Variants in GNAT3 observed in about 807,000 individuals in gnomAD.
GNAT3 encodes guanine nucleotide-binding protein G(t) subunit alpha-3.
Under a neutral mutation model 37.7 loss-of-function variants are expected in GNAT3, and 31 were observed. The ratio of observed to expected loss-of-function variants is 0.82; its 90% CI spans 0.62 to 1.11. GNAT3 has a LOEUF of 1.11. Ranked by LOEUF, GNAT3 falls within the 50% of genes most tolerant of loss-of-function variation. GNAT3 has a pLI of 0.00. For synonymous variants in GNAT3, 138 were observed against 139.8 expected (o/e 0.99, Z 0.09); for missense variants, 437 against 412.5 (o/e 1.06, Z -0.51).
intron 4 of GNAT3, among the ~76,000 whole-genome samples, chr7:80,478,297 A>G (rs377304965): frequency 9.2e-5 from 14 of 152,328 alleles, no homozygotes; most frequent in African/African-American, 3.4e-4. Flanking sequence ...TTAATGCTAA[A>G]TGGATGATAC....
At chr7:80,460,568 T>C (rs982363538) in intron 7 of GNAT3, among the ~76,000 whole-genome samples, 6 of 151,986 alleles carry the variant, frequency 3.9e-5, no homozygotes, top group Non-Finnish European at 8.8e-5. Flanking sequence ...GCCAACATGG[T>C]GAAATCCCGT....
At position 80,512,042 on chromosome 7, in the gene GNAT3, A is replaced by T. The variant is rs1399934123; in HGVS notation, c.-116T>A. ...GCTCTGCTGAAGTACCTAGCAGTCC[A>T]TTCCCTAATGCTCTAAGATTCTGCT... On this transcript the variant is annotated 5_prime_UTR_variant, in exon 1 of 8. It removes an upstream start codon present in the reference 5' UTR. Coordinates refer to ENST00000398291, the MANE Select transcript of GNAT3 (RefSeq NM_001102386.3). 1.5e-6 allele frequency: 1 copy of T among 658,374 alleles called. No individual in the cohort carries two copies. The highest frequency in any genetic ancestry group is 1.8e-5 in the African/African-American group (1 of 55,666). The allele number at this position is 658,374 out of a possible 1,614,324, so 40.8% of individuals were successfully genotyped here. A position where few individuals can be genotyped will look rare whatever the true frequency, so the allele number is the denominator to read the frequency against.
intron 3 of GNAT3, among the ~76,000 whole-genome samples, chr7:80,485,922 C>T (rs748797303): frequency 7.9e-5 from 12 of 152,134 alleles, no homozygotes; most frequent in Non-Finnish European, 1.5e-4. Context: ...CTTGTCCAAA[C>T]TTATAGACCC....
At chr7:80,487,736 G>A (rs1790516147) in intron 3 of GNAT3, 1 of 152,072 alleles carries the variant, frequency 6.6e-6, no homozygotes, top group African/African-American at 2.4e-5. Context: ...ATCCTCTGGA[G>A]GTAACCAGAT....
At chr7:80,495,718 T>C (rs7776757) in intron 1 of GNAT3, among the ~76,000 whole-genome samples, 41,435 of 151,950 alleles carry the variant, frequency 0.27, 10,275 homozygotes, top group African/African-American at 0.67. Context: ...CTGCCTGCCT[T>C]AGCCTCCCAA....
intron 2 of GNAT3, among the ~76,000 whole-genome samples, chr7:80,489,784 T>A (rs1790557390): frequency 6.6e-6 from 1 of 152,160 alleles, no homozygotes; most frequent in Non-Finnish European, 1.5e-5. Context: ...AAAATGTCTT[T>A]ATGGATAGAT....
rs565295395 is a variant in GNAT3 at position 80,499,629 on chromosome 7, T to C, written c.119-4982A>G. ...ACAGGTAGACTGTTGGTATAAAAGA[T>C]TTTTAGGGTAGTCTCTTTTGAGCCA... On this transcript the variant is annotated intron_variant, in intron 1 of 7. Coordinates refer to ENST00000398291, the MANE Select transcript of GNAT3 (RefSeq NM_001102386.3). Among the ~76,000 whole-genome samples, 15 of 152,318 alleles carry C rather than the reference T, an allele frequency of 9.8e-5. No individual in the cohort carries two copies. The South Asian group carries it at 2.5e-3, about 25-fold the overall frequency.
Position 80,488,544 on chromosome 7 carries a change from G to A in GNAT3, c.294C>T (p.Pro98=). ...MTTLGIDYVN[P]RSAEDQRQLY... The stretch of plus-strand genomic sequence containing the variant: ...TTATTTGCATACTTACTGCACTTCT[G>A]GGATTTACATAATCAATTCCAAGGG... The change falls in exon 3 of 8, where the codon CCC becomes CCT. Residue 98 remains proline, a synonymous_variant. Transcript: ENST00000398291. 6.2e-7 allele frequency: 1 copy of A among 1,600,590 alleles called. No individual in the cohort carries two copies. Among genetic ancestry groups the A allele is most frequent in the East Asian group, 2.3e-5 (1 of 44,422 alleles).
At chr7:80,476,690 T>C (rs930272386) in intron 4 of GNAT3, among the ~76,000 whole-genome samples, 4 of 151,928 alleles carry the variant, frequency 2.6e-5, no homozygotes, top group Admixed American at 1.3e-4. Flanking sequence ...CTCTATATAA[T>C]GTATATGAAA....
chr7:80,470,878 C>G (rs568761329), intron 5 of GNAT3, among the ~76,000 whole-genome samples: 2 of 151,782 alleles, frequency 1.3e-5, no homozygotes, highest in South Asian at 4.2e-4. Flanking sequence ...TACTGGGTGT[C>G]AACTTGACTG....
At chr7:80,474,205 C>T (rs749787373) in intron 5 of GNAT3, 46 bp downstream of exon 5, 74 of 1,571,462 alleles carry the variant, frequency 4.7e-5, no homozygotes, top group Non-Finnish European at 5.7e-5. Flanking sequence ...AATATTAAGC[C>T]TGATGCATAC....
chr7:80,506,922 T>C (rs1790956562), intron 1 of GNAT3, among the ~76,000 whole-genome samples: 1 of 152,256 alleles, frequency 6.6e-6, no homozygotes, highest in South Asian at 2.1e-4. Context: ...CAATACGATG[T>C]CATTAACTGT....
chr7:80,503,931 G>T (rs1790882549), intron 1 of GNAT3, among the ~76,000 whole-genome samples: 2 of 152,320 alleles, frequency 1.3e-5, no homozygotes, highest in South Asian at 4.1e-4. Flanking sequence ...CGTGGTAGAT[G>T]AATCCACTTA....
At chr7:80,511,307 G>C (rs2116241453) in intron 1 of GNAT3, among the ~76,000 whole-genome samples, 1 of 152,200 alleles carries the variant, frequency 6.6e-6, no homozygotes. Flanking sequence ...AAGTAATATT[G>C]TTAATATAAT....
intron 3 of GNAT3, chr7:80,486,343 CTTTTATT>C (rs1356065742): frequency 6.6e-6 from 1 of 151,884 alleles, no homozygotes; most frequent in East Asian, 1.9e-4. Context: ...ATGAACTGTA[CTTTTATT>C]TTTTAATTAG....
chr7:80,491,280 T>G (rs1208219083), intron 2 of GNAT3, among the ~76,000 whole-genome samples: 1 of 152,172 alleles, frequency 6.6e-6, no homozygotes, highest in African/African-American at 2.4e-5. Context: ...GTTGTTGTAA[T>G]TAATTTTAGG....
intron 1 of GNAT3, among the ~76,000 whole-genome samples, chr7:80,499,900 A>G (rs1260671611): frequency 6.6e-6 from 1 of 152,204 alleles, no homozygotes; most frequent in Non-Finnish European, 1.5e-5. Context: ...AATATAAATT[A>G]CCTAGAACAT....
chr7:80,488,785 G>T (rs370483848), intron 2 of GNAT3, 109 bp from the exon 3 acceptor site: 37 of 734,236 alleles, frequency 5.0e-5, no homozygotes, highest in East Asian at 2.5e-4. Flanking sequence ...TCATTAAAAA[G>T]GAATTTTGAC....
intron 7 of GNAT3, among the ~76,000 whole-genome samples, chr7:80,461,585 A>AAAATAAAT (rs3069523): frequency 2.2e-4 from 34 of 151,316 alleles, no homozygotes; most frequent in Admixed American, 5.3e-4. Context: ...ACTATTTACA[A>AAAATAAAT]AAATAAATAA....
Sources: allele counts gnomAD v4.1 joint callset (sites outside exome capture counted in the v4.1 genomes callset), GRCh38; gene constraint gnomAD v4.1.1; transcripts MANE v1.5; gene names NCBI Gene and HGNC (gene_info 2026-07-23, HGNC 2026-07-21).